The following PRKCB variants were observed in gnomAD, a reference collection of about 807,000 sequenced individuals.
PRKCB encodes the protein protein kinase C beta type.
PRKCB carries 13 observed loss-of-function variants against 81.5 expected under a neutral mutation model. The observed-to-expected ratio is 0.16, with a 90% CI of 0.10 to 0.25. The LOEUF (loss-of-function observed/expected upper bound fraction) is 0.25. PRKCB is among the 10% of genes least tolerant of loss of function. The pLI, the probability that PRKCB is intolerant of heterozygous loss-of-function variation, is 1.00. For synonymous variants in PRKCB, 335 were observed against 321.4 expected, an observed-to-expected ratio of 1.04 and a Z score of -0.45; for missense variants, 509 against 875.7, an observed-to-expected ratio of 0.58 and a Z score of 5.29.
intron 12 of PRKCB, among the ~76,000 whole-genome samples, chr16:24,175,619 A>T (rs1967516962): frequency 6.6e-6 from 1 of 151,390 alleles, no homozygotes; most frequent in African/African-American, 2.4e-5. Context: ...GGGCCTGGAG[A>T]GTTAGGGGTG....
At chr16:23,885,467 C>G (rs945064380) in intron 2 of PRKCB, among the ~76,000 whole-genome samples, 1 of 152,110 alleles carries the variant, frequency 6.6e-6, no homozygotes, top group Non-Finnish European at 1.5e-5. Context: ...CGCCACCACG[C>G]CCAGCTAATT....
chr16:24,211,327 G>A (rs1968134772), intron 16 of PRKCB, among the ~76,000 whole-genome samples: 1 of 152,190 alleles, frequency 6.6e-6, no homozygotes, highest in African/African-American at 2.4e-5. Flanking sequence ...GGGATTTGTA[G>A]TAGAAAATGG....
intron 3 of PRKCB, among the ~76,000 whole-genome samples, chr16:24,028,064 C>T (rs565837263): frequency 1.3e-5 from 2 of 152,280 alleles, no homozygotes; most frequent in Admixed American, 6.5e-5. Context: ...GCATGAGCTA[C>T]TGTGCCCAGC....
At chr16:24,057,846 A>T (rs1419956249) in intron 5 of PRKCB, among the ~76,000 whole-genome samples, 1 of 152,070 alleles carries the variant, frequency 6.6e-6, no homozygotes, top group Non-Finnish European at 1.5e-5. Flanking sequence ...AGAAACTTTG[A>T]CGGTCTTTTG....
At chr16:23,846,608 C>CAAT (rs1962373253) in intron 2 of PRKCB, among the ~76,000 whole-genome samples, 1 of 65,330 alleles carries the variant, frequency 1.5e-5, no homozygotes. Flanking sequence ...GACTCCGTCT[C>CAAT]AAAAAAAAAA....
intron 8 of PRKCB, among the ~76,000 whole-genome samples, chr16:24,113,986 G>A (rs1292656488): frequency 2.6e-5 from 4 of 151,866 alleles, no homozygotes; most frequent in Non-Finnish European, 5.9e-5. Flanking sequence ...GGAAGCTGAA[G>A]CAGGCAGATC....
At chr16:24,150,874 A>G (rs567005059) in intron 9 of PRKCB, among the ~76,000 whole-genome samples, 16 of 152,312 alleles carry the variant, frequency 1.1e-4, no homozygotes, top group Admixed American at 4.6e-4. Flanking sequence ...GCTATGCCTT[A>G]TGCATGCCCG....
At chr16:24,108,181 T>A (rs548907722) in intron 7 of PRKCB, among the ~76,000 whole-genome samples, 19 of 151,106 alleles carry the variant, frequency 1.3e-4, no homozygotes, top group African/African-American at 3.6e-4. Flanking sequence ...TTTTTTTTTT[T>A]ATTGGAACAT....
At chr16:23,974,449 G>T (rs1349034946) in intron 2 of PRKCB, among the ~76,000 whole-genome samples, 1 of 152,182 alleles carries the variant, frequency 6.6e-6, no homozygotes, top group Non-Finnish European at 1.5e-5. Context: ...GGATAGGGAA[G>T]GGCTGGAGAA....
At chr16:23,933,234 G>C (rs1477049360) in intron 2 of PRKCB, among the ~76,000 whole-genome samples, 1 of 152,302 alleles carries the variant, frequency 6.6e-6, no homozygotes, top group African/African-American at 2.4e-5. Context: ...GAGGCTGTTA[G>C]GTGAGGACAT....
intron 2 of PRKCB, among the ~76,000 whole-genome samples, chr16:23,887,503 C>T (rs1963222210): frequency 6.6e-6 from 1 of 152,188 alleles, no homozygotes; most frequent in South Asian, 2.1e-4. Flanking sequence ...TCAGCTGCAT[C>T]CATGTTGCTG....
chr16:24,062,335 C>T (rs1045310495), intron 5 of PRKCB, among the ~76,000 whole-genome samples: 12 of 152,170 alleles, frequency 7.9e-5, no homozygotes, highest in East Asian at 7.7e-4. Context: ...AGCAGGCTAG[C>T]CTTTGCCTGC....
chr16:23,851,350 C>T (rs560095007), intron 2 of PRKCB, among the ~76,000 whole-genome samples: 68 of 152,324 alleles, frequency 4.5e-4, no homozygotes, highest in African/African-American at 1.6e-3. Flanking sequence ...TCCTTTCCCT[C>T]ATTGTGTGTT....
At chr16:24,189,905 G>A (rs1967764147) in intron 15 of PRKCB, among the ~76,000 whole-genome samples, 1 of 152,152 alleles carries the variant, frequency 6.6e-6, no homozygotes, top group African/African-American at 2.4e-5. Context: ...ACTCTGGAAA[G>A]CTTTTGGACT....
intron 2 of PRKCB, among the ~76,000 whole-genome samples, chr16:23,962,629 C>T (rs1199012354): frequency 6.6e-6 from 1 of 152,222 alleles, no homozygotes; most frequent in Non-Finnish European, 1.5e-5. Context: ...GCTCCATTGC[C>T]TGCCTTCCCC....
chr16:24,186,464 A>C (rs575240733), intron 15 of PRKCB, among the ~76,000 whole-genome samples: 1 of 152,342 alleles, frequency 6.6e-6, no homozygotes, highest in East Asian at 1.9e-4. Flanking sequence ...TTAGACGCCC[A>C]GAAAATATGT....
intron 2 of PRKCB, among the ~76,000 whole-genome samples, chr16:23,887,557 A>G (rs7405373): frequency 0.5 from 76,489 of 152,106 alleles, 19,556 homozygotes; most frequent in East Asian, 0.62. Context: ...GTAGTATTCC[A>G]TAGTGTATAT....
At chr16:24,149,061 A>AC (rs1356687582) in intron 9 of PRKCB, among the ~76,000 whole-genome samples, 4 of 152,152 alleles carry the variant, frequency 2.6e-5, no homozygotes, top group Admixed American at 1.3e-4. Context: ...TGGCTGGAGC[A>AC]CCTGGGGCTG....
chr16:24,083,946 A>T (rs1966282635), intron 5 of PRKCB, among the ~76,000 whole-genome samples: 1 of 152,214 alleles, frequency 6.6e-6, no homozygotes, highest in African/African-American at 2.4e-5. Context: ...ATAGTCCAAG[A>T]TGAAGAGGGA....
Sources: allele counts gnomAD v4.1 joint callset (sites outside exome capture counted in the v4.1 genomes callset), GRCh38; gene constraint gnomAD v4.1.1; transcripts MANE v1.5; gene names NCBI Gene and HGNC (gene_info 2026-07-23, HGNC 2026-07-21).